The following DYRK4 variants were observed in gnomAD, a reference collection of about 807,000 sequenced individuals.
The protein encoded by DYRK4 is dual specificity tyrosine-phosphorylation-regulated kinase 4.
A neutral mutation model predicts 68.3 loss-of-function variants in DYRK4; 64 were observed. The ratio of observed to expected loss-of-function variants is 0.94; its 90% CI spans 0.77 to 1.15. The LOEUF (loss-of-function observed/expected upper bound fraction) is 1.15. Ranked by LOEUF, DYRK4 falls within the 50% of genes most tolerant of loss-of-function variation. The pLI is 0.00. For synonymous variants in DYRK4, 274 were observed against 289.9 expected (o/e 0.95, Z 0.56); for missense variants, 740 against 764.7 (o/e 0.97, Z 0.38).
rs750893511 is a variant in DYRK4 at position 4,593,024 on chromosome 12, C to T, written c.486C>T (p.Asn162=). Residue 162 remains asparagine (N), a synonymous_variant, in exon 6 of 15, where the codon AAC becomes AAT. Coordinates refer to ENST00000543431, the MANE Select transcript of DYRK4 (RefSeq NM_001394779.1). ...TAAEALKLFK[N]QLSPYEQSEI... ...CAGAGGCCCTAAAGCTTTTTAAGAA[C>T]CAGCTGTCTCCATATGAACAAAGTG... 1.9e-6 allele frequency: 3 copies of T among 1,613,962 alleles called. No homozygotes were observed. Among genetic ancestry groups the T allele is most frequent in the East Asian group, 2.2e-5 (1 of 44,870 alleles).
At chr12:4,603,128 G>C in intron 10 of DYRK4, 1 of 1,409,972 alleles carries the variant, frequency 7.1e-7, no homozygotes, top group Non-Finnish European at 1.0e-6. Context: ...TTCACTATCT[G>C]AATCTGATAT....
chr12:4,582,470 A>G (rs961235865), intron 2 of DYRK4, among the ~76,000 whole-genome samples: 9 of 152,226 alleles, frequency 5.9e-5, no homozygotes, highest in African/African-American at 2.2e-4. Context: ...GATGAAATGA[A>G]ATAAAATAAA....
Position 4,599,099 on chromosome 12 carries a change from C to A in DYRK4, c.977C>A (p.Thr326Asn), listed in dbSNP as rs1171923810. Residue 326 changes from threonine (T) to asparagine (N), a missense_variant, in exon 9 of 15, where the codon ACT becomes AAT. Physicochemically the swap from Thr to Asn is moderately conservative, Grantham distance 65. Coordinates refer to ENST00000543431, the MANE Select transcript of DYRK4 (RefSeq NM_001394779.1). ...GFSLSIVRRF[T>N]LSVLKCLQML... ...AGTCTGTCCATAGTTCGGCGCTTCA[C>A]TCTCTCTGTTTTGAAGTGCTTGCAG... 1 of 1,613,300 alleles carries A rather than the reference C, an allele frequency of 6.2e-7. No individual in the cohort carries two copies. The highest frequency in any genetic ancestry group is 8.5e-7 in the Non-Finnish European group (1 of 1,179,962).
rs1188278804 is a variant in DYRK4, at chr12:4,602,123, G to C, written c.1126+2335G>C. ...TACTTCTTTCATAGGCTGATATCCAGACTCCCTTTTGTAATTAAGTTCAGC... is the reference window on the plus strand; with the variant it reads ...TACTTCTTTCATAGGCTGATATCCACACTCCCTTTTGTAATTAAGTTCAGC... On this transcript the variant is annotated intron_variant, in intron 10 of 14. Transcript: ENST00000543431. The C allele has an allele frequency of 1.1e-5, 6 of 570,398 alleles. No individual in the cohort carries two copies. In the East Asian group the frequency reaches 1.1e-4, roughly 10 times the overall value. The allele number at this position is 570,398 out of a possible 1,614,324, so 35.3% of individuals were successfully genotyped here.
intron 6 of DYRK4, among the ~76,000 whole-genome samples, chr12:4,595,113 G>T (rs897856827): frequency 6.6e-6 from 1 of 152,172 alleles, no homozygotes; most frequent in South Asian, 2.1e-4. Context: ...AGCAACATGT[G>T]TGTGGATCCT....
intron 2 of DYRK4, among the ~76,000 whole-genome samples, chr12:4,585,485 G>A (rs1221376560): frequency 6.6e-6 from 1 of 152,168 alleles, no homozygotes; most frequent in African/African-American, 2.4e-5. Flanking sequence ...GTAGGGACAT[G>A]GATGAAGCTG....
intron 10 of DYRK4, chr12:4,603,385 A>C: frequency 2.2e-6 from 1 of 458,170 alleles, no homozygotes; most frequent in Non-Finnish European, 4.1e-6. Flanking sequence ...TGTATTCTTC[A>C]CTTTCTTTTG....
In DYRK4 at chr12:4,613,431, T is replaced by G; in HGVS notation, c.1667-84T>G. The G allele has an allele frequency of 6.7e-7, 1 of 1,491,396 alleles. No homozygotes were observed. Among genetic ancestry groups the G allele is most frequent in the Non-Finnish European group, 9.0e-7 (1 of 1,106,062 alleles). 92.4% of individuals were successfully genotyped at this position (1,491,396 alleles called of 1,614,324 possible). A position where few individuals can be genotyped will look rare whatever the true frequency, so the allele number is the denominator to read the frequency against. ...ATATCATCACGGTCATCGTTTCCAC[T>G]AAGTGATGTACAACCTAAAGGACAA... On this transcript the variant is annotated intron_variant, in intron 14 of 14. Coordinates refer to ENST00000543431, the MANE Select transcript of DYRK4 (RefSeq NM_001394779.1). This position sits in a 1 kb window ranked among gnomAD's most constrained non-coding sequence, Gnocchi z 4.0.
Position 4,602,310 on chromosome 12 carries a change from T to C in DYRK4, c.1126+2522T>C. 3 of 926,174 alleles carry C rather than the reference T, an allele frequency of 3.2e-6. No individual in the cohort carries two copies. The South Asian group carries it at 4.0e-5, about 12-fold the overall frequency. 57.4% of individuals were successfully genotyped at this position (926,174 alleles called of 1,614,324 possible). A position where few individuals can be genotyped will look rare whatever the true frequency, so the allele number is the denominator to read the frequency against. On this transcript the variant is annotated intron_variant, in intron 10 of 14. Transcript: ENST00000543431. Reference sequence around the variant, plus strand: ...CTATGCCATTCTCCCTCTTTTTTTCTTCCTCTTCTTCTATTTTCTGTTGCT... The same window carrying C: ...CTATGCCATTCTCCCTCTTTTTTTCCTCCTCTTCTTCTATTTTCTGTTGCT...
intron 12 of DYRK4, among the ~76,000 whole-genome samples, chr12:4,609,024 TG>T: frequency 6.6e-6 from 1 of 152,332 alleles, no homozygotes; most frequent in South Asian, 2.1e-4. Context: ...ATCTTGAGCC[TG>T]TAACTCTGAA....
chr12:4,585,958 G>C (rs1200826679), intron 2 of DYRK4, among the ~76,000 whole-genome samples: 1 of 152,184 alleles, frequency 6.6e-6, no homozygotes, highest in Non-Finnish European at 1.5e-5. Context: ...GTTCACGCCT[G>C]TAATCCCAAC....
chr12:4,562,625 G>T (rs1381380943), intron 1 of DYRK4, among the ~76,000 whole-genome samples: 1 of 152,240 alleles, frequency 6.6e-6, no homozygotes, highest in African/African-American at 2.4e-5. Context: ...CCCTCACTGG[G>T]ACGCCAGACT....
chr12:4,591,317 A>C lies in DYRK4; in HGVS notation c.463+19A>C. The C allele has an allele frequency of 6.2e-7, 1 of 1,613,232 alleles. No individual in the cohort carries two copies. The highest frequency in any genetic ancestry group is 8.5e-7 in the Non-Finnish European group (1 of 1,179,582). On this transcript the variant is annotated intron_variant, in intron 5 of 14. Coordinates refer to ENST00000543431, the MANE Select transcript of DYRK4 (RefSeq NM_001394779.1). This position sits in a 1 kb window ranked among gnomAD's most constrained non-coding sequence, Gnocchi z 4.1. ...GCGGCAGGTATGCCTTTGGGGCAGT[A>C]GCAGGGTGGGGAGGTGCTTATGGAA... is the stretch of plus-strand genomic sequence containing the variant.
At chr12:4,605,743 T>TTG (rs1236328335) in intron 11 of DYRK4, among the ~76,000 whole-genome samples, 1 of 142,604 alleles carries the variant, frequency 7.0e-6, no homozygotes, top group Non-Finnish European at 1.5e-5. Context: ...TTTTTTTTTT[T>TTG]TTTTTTTTTT....
chr12:4,585,470 C>A (rs746085973), intron 2 of DYRK4, among the ~76,000 whole-genome samples: 12 of 152,188 alleles, frequency 7.9e-5, no homozygotes, highest in Non-Finnish European at 1.5e-4. Flanking sequence ...GAGTTCATGT[C>A]CTTTGTAGGG....
intron 2 of DYRK4, among the ~76,000 whole-genome samples, chr12:4,575,075 G>A (rs1043149486): frequency 6.6e-6 from 1 of 152,128 alleles, no homozygotes; most frequent in African/African-American, 2.4e-5. Flanking sequence ...GTTTCTTAGT[G>A]TGTCTGTATA....
intron 2 of DYRK4, among the ~76,000 whole-genome samples, chr12:4,575,516 G>C (rs572403725): frequency 1.3e-5 from 2 of 151,714 alleles, no homozygotes; most frequent in Non-Finnish European, 2.9e-5. Context: ...TCACTATGTT[G>C]GCCAGGATGG....
At chr12:4,607,963 C>T (rs1240053001) in intron 12 of DYRK4, among the ~76,000 whole-genome samples, 1 of 152,190 alleles carries the variant, frequency 6.6e-6, no homozygotes, top group East Asian at 1.9e-4. Flanking sequence ...ACTTCGTCCA[C>T]AGTCCAGGCT....
At chr12:4,580,403 C>G (rs1022098748) in intron 2 of DYRK4, among the ~76,000 whole-genome samples, 2 of 152,318 alleles carry the variant, frequency 1.3e-5, no homozygotes, top group East Asian at 3.9e-4. Flanking sequence ...GCATCCTGGG[C>G]TCCCTCATGC....
Sources: allele counts gnomAD v4.1 joint callset (sites outside exome capture counted in the v4.1 genomes callset), GRCh38; gene constraint gnomAD v4.1.1; non-coding constraint Gnocchi (gnomAD v3.1); transcripts MANE v1.5; gene names NCBI Gene and HGNC (gene_info 2026-07-23, HGNC 2026-07-21).